Variants in MCTP1 observed in about 807,000 individuals in gnomAD.
MCTP1 encodes multiple C2 and transmembrane domain-containing protein 1.
A neutral mutation model predicts 120.6 loss-of-function variants in MCTP1; 69 were observed. The ratio of observed to expected loss-of-function variants is 0.57; its 90% CI spans 0.47 to 0.70. MCTP1 has a LOEUF of 0.70. Ranked by LOEUF, MCTP1 falls within the 30% of genes least tolerant of loss-of-function variation. The probability of loss-of-function intolerance (pLI) is 0.00; values close to 1 mark genes in which losing one functional copy is unlikely to be tolerated. For missense variants in MCTP1, 1,203 were observed against 1,248.8 expected, an observed-to-expected ratio of 0.96 and a Z score of 0.55; for synonymous variants, 529 against 493.1, an observed-to-expected ratio of 1.07 and a Z score of -0.96.
At chr5:95,268,513 G>A (rs758924702) in intron 1 of MCTP1, among the ~76,000 whole-genome samples, 1 of 152,314 alleles carries the variant, frequency 6.6e-6, no homozygotes, top group East Asian at 1.9e-4. Context: ...AAATAGACAC[G>A]AACCTTCTTG....
chr5:94,705,249 A>G lies in MCTP1; in HGVS notation c.*2247T>C, dbSNP rs917268226. ...AATAAATAGTTAAAATTTTAACTAT[A>G]CATATTCTGTTTTCAGCCTGTGAAT... On this transcript the variant is annotated 3_prime_UTR_variant, in exon 23 of 23. Transcript: ENST00000515393. The G allele has an allele frequency of 6.6e-6, 1 of 151,512 alleles. No individual in the cohort carries two copies. Among genetic ancestry groups the G allele is most frequent in the African/African-American group, 2.4e-5 (1 of 41,346 alleles). The allele number at this position is 151,512 out of a possible 1,614,324, so 9.4% of individuals were successfully genotyped here.
intron 1 of MCTP1, among the ~76,000 whole-genome samples, chr5:95,055,679 G>A (rs1297148740): frequency 1.3e-5 from 2 of 152,132 alleles, no homozygotes; most frequent in African/African-American, 2.4e-5. Flanking sequence ...AGAAAGGGCT[G>A]TCTTTGGAGT....
intron 1 of MCTP1, among the ~76,000 whole-genome samples, chr5:95,183,891 G>A (rs777124032): frequency 5.9e-5 from 9 of 152,018 alleles, no homozygotes; most frequent in Admixed American, 1.3e-4. Context: ...ATAATATGGC[G>A]TGAACATTTT....
chr5:94,725,977 TA>T (rs1481133938), intron 19 of MCTP1, among the ~76,000 whole-genome samples: 9 of 152,344 alleles, frequency 5.9e-5, no homozygotes, highest in African/African-American at 2.2e-4. Flanking sequence ...TAAATCTTAA[TA>T]AAGACAACAG....
At chr5:94,735,645 G>A (rs1335872428) in intron 19 of MCTP1, among the ~76,000 whole-genome samples, 2 of 152,094 alleles carry the variant, frequency 1.3e-5, no homozygotes, top group Non-Finnish European at 2.9e-5. Context: ...ATACATAAGA[G>A]AACAGTTTCA....
At chr5:94,942,828 G>A (rs2153508659) in intron 3 of MCTP1, among the ~76,000 whole-genome samples, 1 of 151,986 alleles carries the variant, frequency 6.6e-6, no homozygotes, top group East Asian at 1.9e-4. Flanking sequence ...TGTGATATAG[G>A]ACAATGCCAC....
chr5:94,778,972 C>A, intron 19 of MCTP1, 138 bp downstream of exon 19: 1 of 705,332 alleles, frequency 1.4e-6, no homozygotes, highest in East Asian at 2.6e-5. Context: ...CACGCAGTGG[C>A]ATTGTTAGGA....
At chr5:95,168,450 A>C (rs1397149391) in intron 1 of MCTP1, among the ~76,000 whole-genome samples, 1 of 152,168 alleles carries the variant, frequency 6.6e-6, no homozygotes, top group Non-Finnish European at 1.5e-5. Context: ...TTGGTAGCTT[A>C]ATGGGGATGG....
intron 17 of MCTP1, among the ~76,000 whole-genome samples, chr5:94,836,606 A>G (rs1297077301): frequency 6.6e-6 from 1 of 152,174 alleles, no homozygotes; most frequent in African/African-American, 2.4e-5. Flanking sequence ...CCCTTTCCCT[A>G]GTGATTGCAT....
At chr5:94,766,927 C>T (rs917166589) in intron 19 of MCTP1, among the ~76,000 whole-genome samples, 2 of 152,062 alleles carry the variant, frequency 1.3e-5, no homozygotes, top group African/African-American at 4.8e-5. Flanking sequence ...CTAACGCATT[C>T]TATGAGGCCA....
chr5:95,278,750 G>C (rs1760064850), intron 1 of MCTP1, among the ~76,000 whole-genome samples: 1 of 151,956 alleles, frequency 6.6e-6, no homozygotes, highest in African/African-American at 2.4e-5. Context: ...ATCACCTGAG[G>C]TCGGGAGTTC....
chr5:94,949,996 C>T (rs1820080077), intron 3 of MCTP1, among the ~76,000 whole-genome samples: 1 of 149,846 alleles, frequency 6.7e-6, no homozygotes, highest in South Asian at 2.1e-4. Flanking sequence ...TAAGATGAGG[C>T]AAAAAATGGA....
intron 3 of MCTP1, among the ~76,000 whole-genome samples, chr5:94,949,137 CCAAA>C (rs1819847280): frequency 6.6e-6 from 1 of 152,114 alleles, no homozygotes; most frequent in Admixed American, 6.6e-5. Flanking sequence ...CATGATTAGG[CCAAA>C]CAAATAACAA....
chr5:95,234,289 G>C (rs1307763820), intron 1 of MCTP1, among the ~76,000 whole-genome samples: 1 of 152,196 alleles, frequency 6.6e-6, no homozygotes, highest in African/African-American at 2.4e-5. Context: ...TAAACACAAA[G>C]ACTTATCTTC....
chr5:94,798,294 A>G (rs559247119), intron 18 of MCTP1, among the ~76,000 whole-genome samples: 1 of 152,172 alleles, frequency 6.6e-6, no homozygotes, highest in African/African-American at 2.4e-5. Context: ...GTGATAGACA[A>G]TCCAAGGGGA....
chr5:94,738,049 T>C (rs908766774), intron 19 of MCTP1, among the ~76,000 whole-genome samples: 2 of 152,238 alleles, frequency 1.3e-5, no homozygotes, highest in African/African-American at 4.8e-5. Context: ...AAGCCACGAA[T>C]AATGCGTGCT....
At chr5:95,130,530 A>G (rs1402352711) in intron 1 of MCTP1, among the ~76,000 whole-genome samples, 1 of 152,202 alleles carries the variant, frequency 6.6e-6, no homozygotes, top group Non-Finnish European at 1.5e-5. Flanking sequence ...TTAGTTTGCT[A>G]AGGCTGCTGT....
intron 1 of MCTP1, among the ~76,000 whole-genome samples, chr5:95,210,213 A>C (rs540581043): frequency 5.9e-5 from 9 of 152,036 alleles, no homozygotes; most frequent in Admixed American, 2.0e-4. Context: ...GAGCTGAGTA[A>C]AATTCCTGGG....
At chr5:94,715,378 A>AC (rs1428563138) in intron 19 of MCTP1, among the ~76,000 whole-genome samples, 2 of 150,010 alleles carry the variant, frequency 1.3e-5, no homozygotes, top group African/African-American at 2.5e-5. Context: ...AAAAAAAAAA[A>AC]AAAAAAAAAA....
Sources: gnomAD v4.1 joint callset for allele counts (sites outside exome capture counted in the v4.1 genomes callset) on GRCh38, gnomAD v4.1.1 for gene constraint, MANE v1.5 for transcripts, NCBI Gene and HGNC (gene_info 2026-07-23, HGNC 2026-07-21) for gene names.